COL22A1: variants seen among roughly 807,000 people sequenced by gnomAD.
COL22A1 encodes collagen alpha-1(XXII) chain.
In COL22A1, 221 loss-of-function variants were observed where a neutral mutation model predicts 248.9. The observed-to-expected ratio is 0.89, with a 90% confidence interval of 0.80 to 0.99. COL22A1 has a LOEUF of 0.99. Ranked by LOEUF, COL22A1 falls within the 50% of genes least tolerant of loss-of-function variation. COL22A1 has a pLI of 0.00. For synonymous variants in COL22A1, 891 were observed against 793.4 expected (o/e 1.12, Z -2.07); for missense variants, 2,240 against 2,179.0 (o/e 1.03, Z -0.56).
chr8:138,623,262 ATGTGTG>A (rs5895542), intron 52 of COL22A1, among the ~76,000 whole-genome samples: 17,710 of 143,098 alleles, frequency 0.12, 1,229 homozygotes, highest in African/African-American at 0.19. Context: ...ATATATATTT[ATGTGTG>A]TGTGTGTGTG....
chr8:138,700,028 C>T, intron 32 of COL22A1, 84 bp downstream of exon 32: 1 of 1,320,034 alleles, frequency 7.6e-7, no homozygotes, highest in Non-Finnish European at 1.1e-6. Flanking sequence ...CCTCACCCCA[C>T]CCAGTCCAGG....
At chr8:138,595,813 C>G (rs184336778) in intron 62 of COL22A1, among the ~76,000 whole-genome samples, 317 of 152,216 alleles carry the variant, frequency 2.1e-3, no homozygotes, top group Non-Finnish European at 3.1e-3. Context: ...GTGCCCTCCC[C>G]TTTTGTCCTT....
At chr8:138,784,378 T>A (rs924125331) in intron 12 of COL22A1, among the ~76,000 whole-genome samples, 1 of 152,232 alleles carries the variant, frequency 6.6e-6, no homozygotes, top group Non-Finnish European at 1.5e-5. Flanking sequence ...TTTTGTGGGT[T>A]AAACTATCAC....
intron 25 of COL22A1, among the ~76,000 whole-genome samples, chr8:138,723,596 C>T (rs1293654643): frequency 6.6e-6 from 1 of 152,222 alleles, no homozygotes; most frequent in Non-Finnish European, 1.5e-5. Context: ...TGTGTTTGAG[C>T]TTTCAGATGA....
At chr8:138,616,164 G>C (rs1819304192) in intron 54 of COL22A1, 110 bp from the exon 55 acceptor site, 1 of 889,020 alleles carries the variant, frequency 1.1e-6, no homozygotes, top group African/African-American at 1.7e-5. Context: ...CAGGGGCCCT[G>C]TCAACTTCCA....
intron 1 of COL22A1, among the ~76,000 whole-genome samples, chr8:138,895,042 G>A (rs1225122745): frequency 2.2e-5 from 3 of 136,356 alleles, no homozygotes; most frequent in African/African-American, 8.2e-5. Context: ...CTGGACAACA[G>A]AGCAAGAACC....
chr8:138,596,260 T>A (rs1335389282), intron 62 of COL22A1, among the ~76,000 whole-genome samples: 3 of 152,208 alleles, frequency 2.0e-5, no homozygotes, highest in African/African-American at 7.2e-5. Flanking sequence ...AATGAGTCAA[T>A]GCAACATGAC....
chr8:138,688,757 G>C (rs532442907), intron 37 of COL22A1, among the ~76,000 whole-genome samples, 160 bp downstream of exon 37: 1 of 152,008 alleles, frequency 6.6e-6, no homozygotes, highest in African/African-American at 2.4e-5. Context: ...AGGAATAAAT[G>C]AGCCAATGGG....
intron 10 of COL22A1, among the ~76,000 whole-genome samples, chr8:138,805,459 G>T (rs1372212279): frequency 7.2e-6 from 1 of 139,082 alleles, no homozygotes; most frequent in East Asian, 2.1e-4. Flanking sequence ...GTGTGTGATG[G>T]TGTGTGTGTA....
chr8:138,672,848 G>T (rs1034253733), intron 41 of COL22A1, among the ~76,000 whole-genome samples: 4 of 152,150 alleles, frequency 2.6e-5, no homozygotes, highest in Admixed American at 1.3e-4. Context: ...AGCAAGTCCT[G>T]GGTTACATGT....
At chr8:138,892,156 T>TTCA (rs1825113985) in intron 1 of COL22A1, among the ~76,000 whole-genome samples, 1 of 152,172 alleles carries the variant, frequency 6.6e-6, no homozygotes, top group Non-Finnish European at 1.5e-5. Flanking sequence ...ATAGAATGAG[T>TTCA]TAAGAAGTAT....
chr8:138,782,994 G>A (rs1267918910), intron 12 of COL22A1, among the ~76,000 whole-genome samples: 1 of 152,182 alleles, frequency 6.6e-6, no homozygotes. Flanking sequence ...ACACAACACT[G>A]ACTTACTTGT....
chr8:138,642,135 T>C (rs1821767069), intron 47 of COL22A1, among the ~76,000 whole-genome samples: 3 of 152,148 alleles, frequency 2.0e-5, no homozygotes, highest in South Asian at 4.1e-4. Context: ...TTGCACCCCA[T>C]TAGGAGCTGT....
At chr8:138,844,255 A>G (rs1821079202) in intron 3 of COL22A1, 97 bp from the exon 4 acceptor site, 1 of 1,107,430 alleles carries the variant, frequency 9.0e-7, no homozygotes, top group Non-Finnish European at 1.4e-6. Context: ...CCTGCCTTGC[A>G]GCATGTGAGG....
At chr8:138,790,160 C>T (rs1164203238) in intron 12 of COL22A1, among the ~76,000 whole-genome samples, 2 of 152,104 alleles carry the variant, frequency 1.3e-5, no homozygotes, top group Non-Finnish European at 2.9e-5. Context: ...TGGAAAAGTC[C>T]AAGATCAAGG....
chr8:138,781,418 G>GCACC (rs1397414093), intron 12 of COL22A1, among the ~76,000 whole-genome samples: 6 of 152,226 alleles, frequency 3.9e-5, no homozygotes, highest in African/African-American at 1.4e-4. Flanking sequence ...ACTGTAGGAT[G>GCACC]CTCGGCTGCA....
intron 41 of COL22A1, among the ~76,000 whole-genome samples, chr8:138,674,142 C>A (rs550850002): frequency 2.0e-5 from 3 of 152,230 alleles, no homozygotes; most frequent in Admixed American, 1.3e-4. Flanking sequence ...CTCTTGAATC[C>A]CCTCCTTAGG....
chr8:138,772,990 C>T (rs1384537340), intron 16 of COL22A1, among the ~76,000 whole-genome samples: 5 of 152,372 alleles, frequency 3.3e-5, no homozygotes, highest in South Asian at 4.1e-4. Context: ...GCCCCGGCGC[C>T]GCGTGTGGCC....
At position 138,768,457 on chromosome 8, in the gene COL22A1, G is replaced by A. The variant is rs894932784; in HGVS notation, c.1804-5991C>T. Among the ~76,000 whole-genome samples, 6 of 152,326 alleles carry A rather than the reference G, an allele frequency of 3.9e-5. No homozygotes were observed. The East Asian group carries it at 7.7e-4, about 20-fold the overall frequency. ...AAGGCAGTGGAAGGGCGTGCACTGT[G>A]GCAGAGACATGCAGGTGCTCCTCTT... is the stretch of plus-strand genomic sequence containing the variant. On this transcript the variant is annotated intron_variant, in intron 16 of 64. Coordinates refer to ENST00000303045, the MANE Select transcript of COL22A1 (RefSeq NM_152888.3).
Sources: allele counts gnomAD v4.1 joint callset (sites outside exome capture counted in the v4.1 genomes callset), GRCh38; gene constraint gnomAD v4.1.1; transcripts MANE v1.5; gene names NCBI Gene and HGNC (gene_info 2026-07-23, HGNC 2026-07-21).